The following TXNRD2 variants were observed in gnomAD, a reference collection of about 807,000 sequenced individuals.
The protein encoded by TXNRD2 is thioredoxin reductase 2.
TXNRD2 carries 67 observed loss-of-function variants against 70.8 expected under a neutral mutation model. The observed-to-expected ratio is 0.95, with a 90% CI of 0.78 to 1.16. TXNRD2 has a LOEUF of 1.16. Ranked by LOEUF, TXNRD2 falls within the 50% of genes most tolerant of loss-of-function variation. The pLI is 0.00. For synonymous variants in TXNRD2, 301 were observed against 295.8 expected, an observed-to-expected ratio of 1.02 and a Z score of -0.18; for missense variants, 644 against 719.9, an observed-to-expected ratio of 0.89 and a Z score of 1.21.
chr22:19,922,338 T>C (rs892577941), intron 2 of TXNRD2, among the ~76,000 whole-genome samples: 5 of 152,214 alleles, frequency 3.3e-5, no homozygotes, highest in Admixed American at 6.5e-5. Flanking sequence ...GAACTATCTG[T>C]TCATGTGTCT....
intron 11 of TXNRD2, among the ~76,000 whole-genome samples, chr22:19,893,443 C>T (rs1261544197): frequency 1.3e-5 from 2 of 152,246 alleles, no homozygotes; most frequent in Admixed American, 6.5e-5. Flanking sequence ...GTGTGTGCCG[C>T]CACCCACCCT....
At chr22:19,931,172 TTGGACACTCCATTCTGTGATGG>T in intron 1 of TXNRD2, 74 bp from the exon 2 acceptor site, 1 of 1,371,452 alleles carries the variant, frequency 7.3e-7, no homozygotes, top group Non-Finnish European at 1.0e-6. Context: ...TTTATCAGGA[TTGGACACTCCATTCTGTGATGG>T]TCAGGGGTGA....
At chr22:19,921,445 A>C (rs1940913683) in intron 2 of TXNRD2, among the ~76,000 whole-genome samples, 1 of 150,056 alleles carries the variant, frequency 6.7e-6, no homozygotes, top group Admixed American at 6.7e-5. Context: ...CCAGTGTGCC[A>C]GTGTGTAACT....
chr22:19,894,374 A>G (rs1939397230), intron 11 of TXNRD2: 1 of 152,546 alleles, frequency 6.6e-6, no homozygotes, highest in Admixed American at 6.5e-5. Context: ...ACTGAACTAT[A>G]TACTTTAAAA....
Position 19,880,541 on chromosome 22 carries a change from C to G in TXNRD2, c.1182+81G>C, listed in dbSNP as rs916017770. On this transcript the variant is annotated intron_variant, in intron 13 of 17. Coordinates refer to ENST00000400521, the MANE Select transcript of TXNRD2 (RefSeq NM_006440.5). ...CATCTACATGCAGACACACAGCGCA[C>G]AAAGGCCCCTCACCCCAGAAGAGCT... The G allele has an allele frequency of 1.7e-5, 23 of 1,324,156 alleles. No homozygotes were observed. The East Asian group carries it at 5.1e-4, about 29-fold the overall frequency. 82.0% of individuals were successfully genotyped at this position (1,324,156 alleles called of 1,614,324 possible).
chr22:19,916,028 C>T (rs1024585345), intron 5 of TXNRD2, 185 bp from the exon 6 acceptor site: 1 of 608,922 alleles, frequency 1.6e-6, no homozygotes, highest in Non-Finnish European at 3.0e-6. Flanking sequence ...GGGGGCACCT[C>T]GCCTGTCCCC....
rs5993865 is a variant in TXNRD2 at position 19,918,573 on chromosome 22, C to T, written c.374+287G>A. Among the ~76,000 whole-genome samples, 59,484 of 151,842 alleles carry T rather than the reference C, an allele frequency of 0.39. 12,808 individuals are homozygous for T. The highest frequency in any genetic ancestry group is 0.88 in the East Asian group (4,481 of 5,102). Reference sequence around the variant, plus strand: ...AGCTCAGCTGAAGCGGCCTCCCACCCGCACTCCTGGCCTTGGAGATGCACT... The same window carrying T: ...AGCTCAGCTGAAGCGGCCTCCCACCTGCACTCCTGGCCTTGGAGATGCACT... On this transcript the variant is annotated intron_variant, in intron 4 of 17. Coordinates refer to ENST00000400521, the MANE Select transcript of TXNRD2 (RefSeq NM_006440.5).
At chr22:19,896,958 C>T (rs1227472647) in intron 10 of TXNRD2, among the ~76,000 whole-genome samples, 1 of 152,212 alleles carries the variant, frequency 6.6e-6, no homozygotes, top group African/African-American at 2.4e-5. Flanking sequence ...GGGTCCCTCG[C>T]CCCTCAGCCT....
At chr22:19,930,135 G>T (rs1171206553) in intron 2 of TXNRD2, among the ~76,000 whole-genome samples, 2 of 152,130 alleles carry the variant, frequency 1.3e-5, no homozygotes, top group Non-Finnish European at 2.9e-5. Context: ...ATCCCCAATA[G>T]GCCAGGAGAC....
intron 2 of TXNRD2, among the ~76,000 whole-genome samples, chr22:19,929,341 A>T (rs1014164991): frequency 8.7e-5 from 13 of 150,182 alleles, no homozygotes; most frequent in African/African-American, 3.2e-4. Flanking sequence ...AAAAAAAAAA[A>T]AAAATTAGGC....
chr22:19,913,522 G>T (rs753581192), intron 7 of TXNRD2, among the ~76,000 whole-genome samples: 2 of 152,208 alleles, frequency 1.3e-5, no homozygotes, highest in African/African-American at 2.4e-5. Context: ...TTCTCTGGGG[G>T]CATTTGTCTG....
intron 9 of TXNRD2, among the ~76,000 whole-genome samples, chr22:19,898,607 C>T (rs1939629771): frequency 6.6e-6 from 1 of 151,228 alleles, no homozygotes; most frequent in Admixed American, 6.6e-5. Flanking sequence ...GTCTGCCTCC[C>T]AGGTTCAAGC....
intron 1 of TXNRD2, among the ~76,000 whole-genome samples, chr22:19,937,277 G>A (rs12159943): frequency 1.1e-4 from 17 of 152,208 alleles, no homozygotes; most frequent in South Asian, 6.2e-4. Context: ...CTCTCACCAC[G>A]GAACAAGTAA....
chr22:19,915,930 A>G, intron 5 of TXNRD2, 87 bp from the exon 6 acceptor site: 2 of 1,241,394 alleles, frequency 1.6e-6, no homozygotes, highest in African/African-American at 2.9e-5. Flanking sequence ...GGTAAAAGGG[A>G]GCTCCAGCCC....
At chr22:19,899,703 T>C (rs971415596) in intron 8 of TXNRD2, among the ~76,000 whole-genome samples, 3 of 152,258 alleles carry the variant, frequency 2.0e-5, no homozygotes, top group African/African-American at 4.8e-5. Flanking sequence ...GTGTTTTGCA[T>C]GCACATGTAC....
At chr22:19,879,668 T>G (rs1938671140) in intron 14 of TXNRD2, among the ~76,000 whole-genome samples, 1 of 151,754 alleles carries the variant, frequency 6.6e-6, no homozygotes, top group African/African-American at 2.4e-5. Flanking sequence ...GGAGAAACTT[T>G]TCTGGGTAGA....
intron 1 of TXNRD2, among the ~76,000 whole-genome samples, chr22:19,936,848 A>C (rs1036888538): frequency 2.6e-5 from 4 of 152,264 alleles, no homozygotes; most frequent in Admixed American, 6.5e-5. Context: ...CCTGCTCTTG[A>C]AACTTTCATG....
Position 19,883,437 on chromosome 22 carries a change from A to T in TXNRD2, c.974T>A (p.Leu325Gln), listed in dbSNP as rs759476139. ...AIGRVPDTRS[L>Q]NLEKAGVDTS... ...ATCTACCCCAGCCTTCTCCAAATTC[A>T]GACTTCTGGTGTCTGGGACTCGACC... Residue 325 changes from leucine to glutamine, a missense_variant, in exon 12 of 18, where the codon CTG becomes CAG. Around this residue, in one of 3 missense-constraint regions of TXNRD2, gnomAD observed 566 missense variants for 645.0 expected, o/e 0.88. Coordinates refer to ENST00000400521, the MANE Select transcript of TXNRD2 (RefSeq NM_006440.5). The T allele has an allele frequency of 6.2e-7, 1 of 1,614,046 alleles. No homozygotes were observed. Among genetic ancestry groups the T allele is most frequent in the Admixed American group, 1.7e-5 (1 of 60,028 alleles).
At chr22:19,917,387 G>A (rs1327473578) in intron 5 of TXNRD2, among the ~76,000 whole-genome samples, 1 of 152,320 alleles carries the variant, frequency 6.6e-6, no homozygotes, top group South Asian at 2.1e-4. Flanking sequence ...AGGGCAAGCA[G>A]TTGGCTTCCT....
Sources: allele counts gnomAD v4.1 joint callset (sites outside exome capture counted in the v4.1 genomes callset), GRCh38; gene constraint gnomAD v4.1.1; regional missense constraint gnomAD v4.1.1; transcripts MANE v1.5; gene names NCBI Gene and HGNC (gene_info 2026-07-23, HGNC 2026-07-21).